The following UBR4 variants were observed in gnomAD, a reference collection of about 807,000 sequenced individuals.
UBR4 encodes ubiquitin protein ligase E3 component n-recognin 4.
In UBR4, 124 loss-of-function variants were observed where a neutral mutation model predicts 575.6. The observed-to-expected ratio is 0.22, with a 90% CI of 0.19 to 0.25. The LOEUF (loss-of-function observed/expected upper bound fraction) is 0.25. Among genes scored for constraint, UBR4 ranks in the 10% least tolerant of loss-of-function variants. The pLI, the probability that UBR4 is intolerant of heterozygous loss-of-function variation, is 1.00. For missense variants in UBR4, 4,818 were observed against 6,478.8 expected, an observed-to-expected ratio of 0.74 and a Z score of 8.80; for synonymous variants, 2,455 against 2,473.7, an observed-to-expected ratio of 0.99 and a Z score of 0.22.
intron 32 of UBR4, 130 bp from the exon 33 acceptor site, chr1:19,164,571 G>T: frequency 8.4e-7 from 1 of 1,184,452 alleles, no homozygotes; most frequent in East Asian, 2.6e-5. Flanking sequence ...ACTTGGGCTA[G>T]TAGAGCATAA....
chr1:19,124,723 A>C, intron 64 of UBR4, 33 bp from the exon 65 acceptor site: 1 of 1,598,650 alleles, frequency 6.3e-7, no homozygotes, highest in African/African-American at 1.3e-5. Flanking sequence ...AGAACCTGTG[A>C]CTATCGATTT....
chr1:19,162,034 G>A (rs2087459468), intron 35 of UBR4, 137 bp from the exon 36 acceptor site: 1 of 982,514 alleles, frequency 1.0e-6, no homozygotes, highest in Admixed American at 2.3e-5. Flanking sequence ...ACCACAACTG[G>A]AAATAGCTAG....
In UBR4 at chr1:19,093,893, A is replaced by C. The variant is rs1557542562; in HGVS notation, c.13937+56T>G. The C allele has an allele frequency of 1.7e-5, 26 of 1,555,058 alleles. No homozygotes were observed. Among genetic ancestry groups the C allele is most frequent in the Non-Finnish European group, 1.7e-5 (20 of 1,143,526 alleles). ...GGATTCTTCCTCATCTCACAGACCTAGTTCGGCGTTTTAGTGGAGACTCTC... is the reference window on the plus strand; with the variant it reads ...GGATTCTTCCTCATCTCACAGACCTCGTTCGGCGTTTTAGTGGAGACTCTC... On this transcript the variant is annotated intron_variant, in intron 95 of 105. Coordinates refer to ENST00000375254, the MANE Select transcript of UBR4 (RefSeq NM_020765.3). This position sits in a 1 kb window ranked among gnomAD's most constrained non-coding sequence, Gnocchi z 4.8.
intron 97 of UBR4, among the ~76,000 whole-genome samples, chr1:19,092,346 A>C (rs1375268355): frequency 6.6e-6 from 1 of 152,046 alleles, no homozygotes; most frequent in Non-Finnish European, 1.5e-5. Flanking sequence ...TAAAAAAAAA[A>C]CCCAGCCCTG....
rs149430531 is a variant in UBR4, at chr1:19,172,992, G to T, written c.3393C>A (p.Val1131=). The T allele has an allele frequency of 6.2e-7, 1 of 1,614,086 alleles. No individual in the cohort carries two copies. The highest frequency in any genetic ancestry group is 1.7e-5 in the Admixed American group (1 of 60,008). Residue 1131 remains valine (V), a synonymous_variant, in exon 25 of 106, where the codon GTC becomes GTA. Transcript: ENST00000375254. ...AAAAATGCTCATCCAAAGAGACCTG[G>T]ACCTTTGAGATCGCGGCATCAAGGG... ...IYTLDAAISK[V]QVSLDEHFSK...
In UBR4 at chr1:19,117,198, C is replaced by G; in HGVS notation, c.10823+23G>C. 1.2e-6 allele frequency: 2 copies of G among 1,607,928 alleles called. No homozygotes were observed. Among genetic ancestry groups the G allele is most frequent in the Non-Finnish European group, 1.7e-6 (2 of 1,175,754 alleles). On this transcript the variant is annotated intron_variant, in intron 73 of 105. Coordinates refer to ENST00000375254, the MANE Select transcript of UBR4 (RefSeq NM_020765.3). This position sits in a 1 kb window ranked among gnomAD's most constrained non-coding sequence, Gnocchi z 4.0. Reference sequence around the variant, plus strand: ...TTCAGCCTTACAACCTGCTGCCCCTCCCGAGGCCTAAAAAGCCCGTACTTG... The same window carrying G: ...TTCAGCCTTACAACCTGCTGCCCCTGCCGAGGCCTAAAAAGCCCGTACTTG...
chr1:19,153,288 G>C lies in UBR4; in HGVS notation c.6832+13C>G. 1 of 1,614,006 alleles carries C rather than the reference G, an allele frequency of 6.2e-7. No homozygotes were observed. Among genetic ancestry groups the C allele is most frequent in the Middle Eastern group, 1.7e-4 (1 of 6,060 alleles). Reference sequence around the variant, plus strand: ...TCCTACTCCCCCACAAGTCATCTGAGAAGGAGCCTTACTGATTGTAGCTGT... The same window carrying C: ...TCCTACTCCCCCACAAGTCATCTGACAAGGAGCCTTACTGATTGTAGCTGT... On this transcript the variant is annotated intron_variant, in intron 46 of 105. Transcript: ENST00000375254. This position sits in a 1 kb window ranked among gnomAD's most constrained non-coding sequence, Gnocchi z 4.1.
rs201885884 is a variant in UBR4 at position 19,167,085 on chromosome 1, C to T, written c.4046G>A (p.Arg1349His). 65 of 1,614,186 alleles carry T rather than the reference C, an allele frequency of 4.0e-5. No individual in the cohort carries two copies. The highest frequency in any genetic ancestry group is 2.5e-4 in the African/African-American group (19 of 75,038). Residue 1349 changes from arginine (R) to histidine (H), a missense_variant, in exon 29 of 106, where the codon CGT becomes CAT. By Grantham distance (29) the Arg-to-His change is conservative. This residue lies in a region of UBR4 where 1,172 missense variants were observed against 1,259.7 expected (regional missense o/e 0.93). Coordinates refer to ENST00000375254, the MANE Select transcript of UBR4 (RefSeq NM_020765.3). Reference sequence around the variant, plus strand: ...ACCAGTGATCAGCTTCTCATAAACACGAGCCAAGAACTCATCAGACTCAGC... The same window carrying T: ...ACCAGTGATCAGCTTCTCATAAACATGAGCCAAGAACTCATCAGACTCAGC... ...GPAESDEFLARVYEKLITGCY... is the reference protein window; with the variant it reads ...GPAESDEFLAHVYEKLITGCY...
At position 19,106,628 on chromosome 1, in the gene UBR4, G is replaced by A. The variant is rs763276053; in HGVS notation, c.12334C>T (p.Arg4112Trp). ...TCCAAGGGGGAGGTCCTCTTCCCCC[G>A]ACGACTCAGGAACTGTTTCCACCTC... ...VWRWKQFLSR[R>W]GKRTSPLDLK... The change falls in exon 83 of 106, where the codon CGG (arginine) becomes TGG (tryptophan). Residue 4112 changes from arginine (R) to tryptophan (W), a missense_variant. Physicochemically the swap from Arg to Trp is moderately radical, Grantham distance 101 (BLOSUM62 -3). Coordinates refer to ENST00000375254, the MANE Select transcript of UBR4 (RefSeq NM_020765.3). 53 of 1,605,364 alleles carry A rather than the reference G, an allele frequency of 3.3e-5. No homozygotes were observed. Among genetic ancestry groups the A allele is most frequent in the Non-Finnish European group, 4.0e-5 (47 of 1,176,246 alleles).
At chr1:19,090,014 T>C (rs917448632) in intron 97 of UBR4, among the ~76,000 whole-genome samples, 3 of 152,222 alleles carry the variant, frequency 2.0e-5, no homozygotes, top group African/African-American at 7.2e-5. Context: ...ACTTACATTC[T>C]AGTTATTAAT....
intron 86 of UBR4, 61 bp downstream of exon 86, chr1:19,104,524 C>T: frequency 1.9e-6 from 3 of 1,568,640 alleles, no homozygotes; most frequent in Non-Finnish European, 2.6e-6. Flanking sequence ...ACCCAAGGAA[C>T]TAAGGGTTGT....
rs1173113445 is a variant in UBR4, at chr1:19,093,511, G to A, written c.13938-25C>T. 8 of 1,610,500 alleles carry A rather than the reference G, an allele frequency of 5.0e-6. No individual in the cohort carries two copies. Among genetic ancestry groups the A allele is most frequent in the Non-Finnish European group, 6.8e-6 (8 of 1,177,698 alleles). ...TCTAGGAGGAAAGAGCAGAGTTTGA[G>A]GGTGTGAAAGGCGGGACAAAACCCA... On this transcript the variant is annotated intron_variant, in intron 95 of 105. Coordinates refer to ENST00000375254, the MANE Select transcript of UBR4 (RefSeq NM_020765.3). The surrounding 1 kb of genome is among the most constrained non-coding windows in gnomAD (Gnocchi z 4.8).
chr1:19,169,369 G>C lies in UBR4; in HGVS notation c.3741+66C>G, dbSNP rs1249333759. On this transcript the variant is annotated intron_variant, in intron 27 of 105. Transcript: ENST00000375254. ...GCTAGTTTAAGCCTAATTCCTTTAG[G>C]CTTAAGAACAAAAGACAGAATGGCT... is the stretch of plus-strand genomic sequence containing the variant. 4 of 1,414,528 alleles carry C rather than the reference G, an allele frequency of 2.8e-6. No homozygotes were observed. The South Asian group carries it at 5.4e-5, about 19-fold the overall frequency. 87.6% of individuals were successfully genotyped at this position (1,414,528 alleles called of 1,614,324 possible).
In UBR4 at chr1:19,110,815, G is replaced by T. The variant is rs182556005; in HGVS notation, c.11819C>A (p.Thr3940Asn). ...CLLTRDNPEA[T>N]QQMNDLIIGK... ...AATAATCAGGTCATTCATCTGTTGG[G>T]TGGCTTCTGGGTTGTCTCTGCAGAA... The change falls in exon 79 of 106, where the codon ACC becomes AAC. Residue 3940 changes from threonine (T) to asparagine (N), a missense_variant. Thr to Asn is a moderately conservative substitution (Grantham distance 65, BLOSUM62 0). Coordinates refer to ENST00000375254, the MANE Select transcript of UBR4 (RefSeq NM_020765.3). This position sits in a 1 kb window ranked among gnomAD's most constrained non-coding sequence, Gnocchi z 4.5. The T allele has an allele frequency of 2.1e-5, 34 of 1,614,156 alleles. No individual in the cohort carries two copies. Among genetic ancestry groups the T allele is most frequent in the Non-Finnish European group, 2.7e-5 (32 of 1,180,022 alleles).
rs139338610 is a variant in UBR4 at position 19,120,231 on chromosome 1, T to G, written c.10259A>C (p.Asn3420Thr). ...QFLRCFLLESNSSSVRWQAHC... is the reference protein window; with the variant it reads ...QFLRCFLLESTSSSVRWQAHC... ...GGCCTGCCAGCGCACCGAGGAAGAATTGGACTCTAACAGGAAACAACGCAG... is the reference window on the plus strand; with the variant it reads ...GGCCTGCCAGCGCACCGAGGAAGAAGTGGACTCTAACAGGAAACAACGCAG... The change falls in exon 69 of 106, where the codon AAT becomes ACT. Residue 3420 changes from asparagine to threonine, a missense_variant. Asn to Thr is a moderately conservative substitution (Grantham distance 65). Coordinates refer to ENST00000375254, the MANE Select transcript of UBR4 (RefSeq NM_020765.3). The G allele has an allele frequency of 1.2e-6, 2 of 1,614,144 alleles. No homozygotes were observed. The highest frequency in any genetic ancestry group is 1.7e-6 in the Non-Finnish European group (2 of 1,180,012).
rs376154588 is a variant in UBR4, at chr1:19,124,498, T to A, written c.9588+43A>T. 6 of 1,608,008 alleles carry A rather than the reference T, an allele frequency of 3.7e-6. No individual in the cohort carries two copies. In the Admixed American group the frequency reaches 1.0e-4, roughly 27 times the overall value. ...GGGCCCACAGAGGTGAATGCAGATGTGTCCTCAGCCCAACAAGCATGCAGC... is the reference window on the plus strand; with the variant it reads ...GGGCCCACAGAGGTGAATGCAGATGAGTCCTCAGCCCAACAAGCATGCAGC... On this transcript the variant is annotated intron_variant, in intron 65 of 105. Coordinates refer to ENST00000375254, the MANE Select transcript of UBR4 (RefSeq NM_020765.3).
chr1:19,096,673 C>T, intron 91 of UBR4, 23 bp from the exon 92 acceptor site: 1 of 1,612,480 alleles, frequency 6.2e-7, no homozygotes, highest in Non-Finnish European at 8.5e-7. Flanking sequence ...GGAAGCCAAG[C>T]AGAAATGGAG....
intron 3 of UBR4, 100 bp from the exon 4 acceptor site, chr1:19,199,028 T>C: frequency 7.1e-7 from 1 of 1,416,814 alleles, no homozygotes; most frequent in South Asian, 1.3e-5. Flanking sequence ...GGGCCAAATT[T>C]AGGTTCATAT....
In UBR4 at chr1:19,104,552, A is replaced by G. The variant is rs752616419; in HGVS notation, c.12727+33T>C. The G allele has an allele frequency of 2.4e-5, 39 of 1,610,914 alleles. 1 individual carries two copies. The South Asian group carries it at 4.3e-4, about 18-fold the overall frequency. ...AGGGTTGTCCCTAAACAGATTCAGGATGCCCTAAAGGAAGGTCCAGGTGGC... is the reference window on the plus strand; with the variant it reads ...AGGGTTGTCCCTAAACAGATTCAGGGTGCCCTAAAGGAAGGTCCAGGTGGC... On this transcript the variant is annotated intron_variant, in intron 86 of 105. Transcript: ENST00000375254.
Sources: allele counts gnomAD v4.1 joint callset (sites outside exome capture counted in the v4.1 genomes callset), GRCh38; gene constraint gnomAD v4.1.1; regional missense constraint gnomAD v4.1.1; non-coding constraint Gnocchi (gnomAD v3.1); transcripts MANE v1.5; gene names NCBI Gene and HGNC (gene_info 2026-07-23, HGNC 2026-07-21).